Variants in ARL15 observed in about 807,000 individuals in gnomAD.
The protein encoded by ARL15 is ARF like GTPase 15.
In ARL15, 19 loss-of-function variants were observed where a neutral mutation model predicts 25.2. The ratio of observed to expected loss-of-function variants is 0.75; its 90% confidence interval spans 0.53 to 1.10. The LOEUF is 1.10. Among genes scored for constraint, ARL15 ranks in the 50% least tolerant of loss-of-function variants. The pLI is 0.00. For synonymous variants in ARL15, 94 were observed against 86.8 expected, an observed-to-expected ratio of 1.08 and a Z score of -0.46; for missense variants, 220 against 246.0, an observed-to-expected ratio of 0.89 and a Z score of 0.71.
chr5:54,248,216 G>A (rs1218727416), intron 1 of ARL15, among the ~76,000 whole-genome samples: 1 of 152,088 alleles, frequency 6.6e-6, no homozygotes, highest in African/African-American at 2.4e-5. Context: ...AAATAACTGG[G>A]TTTTGAGAGG....
At chr5:54,070,663 A>T (rs760075644) in intron 4 of ARL15, among the ~76,000 whole-genome samples, 2 of 151,810 alleles carry the variant, frequency 1.3e-5, no homozygotes, top group Non-Finnish European at 2.9e-5. Flanking sequence ...CAACATGGTG[A>T]AACCCTGTAT....
intron 1 of ARL15, among the ~76,000 whole-genome samples, chr5:54,230,615 C>T (rs1456874440): frequency 6.6e-6 from 1 of 152,126 alleles, no homozygotes; most frequent in Non-Finnish European, 1.5e-5. Context: ...TCCCAGCCAG[C>T]TGGACTTGGA....
chr5:54,088,285 G>A (rs1296008248), intron 4 of ARL15, among the ~76,000 whole-genome samples: 1 of 152,220 alleles, frequency 6.6e-6, no homozygotes, highest in African/African-American at 2.4e-5. Context: ...ATGCAGTGCT[G>A]ACTGAAGAGG....
chr5:54,269,336 A>G (rs1274739391), intron 1 of ARL15, among the ~76,000 whole-genome samples: 1 of 152,278 alleles, frequency 6.6e-6, no homozygotes, highest in Non-Finnish European at 1.5e-5. Flanking sequence ...CAGAACTTCA[A>G]TAACATATTT....
chr5:54,169,539 C>T lies in ARL15; in HGVS notation c.193+2245G>A, dbSNP rs547398793. ...ACAGAATATGGAAAAAGATTCCTAC[C>T]TGTCATATAAGGGCTGTTATAAGGC... On this transcript the variant is annotated intron_variant, in intron 2 of 4. Transcript: ENST00000504924. 7.9e-5 allele frequency among the ~76,000 whole-genome samples: 12 copies of T among 152,282 alleles called. No homozygotes were observed. The South Asian group carries it at 1.9e-3, about 24-fold the overall frequency.
intron 4 of ARL15, among the ~76,000 whole-genome samples, chr5:54,021,676 G>C (rs1320733348): frequency 6.6e-6 from 1 of 152,070 alleles, no homozygotes; most frequent in Non-Finnish European, 1.5e-5. Context: ...AAGTTTCAGA[G>C]GGAAAAAAGA....
At chr5:54,141,431 GA>G (rs1753779270) in intron 3 of ARL15, among the ~76,000 whole-genome samples, 1 of 151,930 alleles carries the variant, frequency 6.6e-6, no homozygotes, top group Admixed American at 6.6e-5. Context: ...AGCAATCCAA[GA>G]AAAGGGCCAA....
At chr5:54,293,739 A>C (rs1388351274) in intron 1 of ARL15, among the ~76,000 whole-genome samples, 1 of 152,224 alleles carries the variant, frequency 6.6e-6, no homozygotes, top group Non-Finnish European at 1.5e-5. Flanking sequence ...TACCTGAACC[A>C]ATACCTGGCC....
In ARL15 at chr5:54,258,698, C is replaced by T. The variant is rs144651545; in HGVS notation, c.48+51734G>A. Among the ~76,000 whole-genome samples, 14 of 152,222 alleles carry T rather than the reference C, an allele frequency of 9.2e-5. 1 individual carries two copies. The highest frequency in any genetic ancestry group is 3.1e-4 in the African/African-American group (13 of 41,530). Reference sequence around the variant, plus strand: ...ATCCTCTGGAGTAATGGAAAGCCACCAGATCAGAAGGGGAATGGAAGGAGA... The same window carrying T: ...ATCCTCTGGAGTAATGGAAAGCCACTAGATCAGAAGGGGAATGGAAGGAGA... On this transcript the variant is annotated intron_variant, in intron 1 of 4. Coordinates refer to ENST00000504924, the MANE Select transcript of ARL15 (RefSeq NM_019087.3).
chr5:54,302,683 ATTTTTTTTTTTT>A (rs372704359), intron 1 of ARL15, among the ~76,000 whole-genome samples: 8 of 77,860 alleles, frequency 1.0e-4, no homozygotes, highest in Admixed American at 4.2e-4. Context: ...TAAAATTAAG[ATTTTTTTTTTTT>A]TTTTTTTTTT....
At chr5:53,919,782 G>A (rs993369940) in intron 4 of ARL15, among the ~76,000 whole-genome samples, 5 of 152,132 alleles carry the variant, frequency 3.3e-5, no homozygotes, top group Non-Finnish European at 7.3e-5. Flanking sequence ...CAGCTCACTC[G>A]TTTCTCATAG....
chr5:54,245,776 C>T (rs1382877443), intron 1 of ARL15, among the ~76,000 whole-genome samples: 1 of 151,924 alleles, frequency 6.6e-6, no homozygotes, highest in African/African-American at 2.4e-5. Context: ...ATAGTAGAGC[C>T]GAGGGTTCAC....
intron 4 of ARL15, among the ~76,000 whole-genome samples, chr5:54,080,035 A>T (rs1751746880): frequency 6.6e-6 from 1 of 151,740 alleles, no homozygotes. Flanking sequence ...ATGTATATTA[A>T]TTTAATCATT....
chr5:53,974,243 A>G (rs996836976), intron 4 of ARL15, among the ~76,000 whole-genome samples: 1 of 152,212 alleles, frequency 6.6e-6, no homozygotes, highest in Non-Finnish European at 1.5e-5. Flanking sequence ...GAAAGTGAGC[A>G]CAGGCAGTGC....
chr5:54,153,401 T>C (rs1314686821), intron 3 of ARL15, among the ~76,000 whole-genome samples: 1 of 152,212 alleles, frequency 6.6e-6, no homozygotes, highest in Non-Finnish European at 1.5e-5. Context: ...TTTAAGCATA[T>C]GGCATGGTTA....
chr5:54,195,603 G>A (rs1755527327), intron 1 of ARL15, among the ~76,000 whole-genome samples: 2 of 152,000 alleles, frequency 1.3e-5, no homozygotes, highest in African/African-American at 4.8e-5. Context: ...TACCTGTAAT[G>A]AATAAGTTGA....
intron 4 of ARL15, among the ~76,000 whole-genome samples, chr5:54,112,536 T>A (rs906648832): frequency 6.6e-6 from 1 of 152,256 alleles, no homozygotes; most frequent in Admixed American, 6.5e-5. Context: ...TAATTCACTA[T>A]AATTTAAGTT....
At chr5:54,226,888 G>A (rs1249931193) in intron 1 of ARL15, among the ~76,000 whole-genome samples, 1 of 152,084 alleles carries the variant, frequency 6.6e-6, no homozygotes, top group Non-Finnish European at 1.5e-5. Flanking sequence ...TGAATCATGG[G>A]GGTGGTTCTC....
Position 54,056,737 on chromosome 5 carries a change from G to T in ARL15, c.462+56465C>A, listed in dbSNP as rs143358379. The stretch of plus-strand genomic sequence containing the variant: ...AGGCCACTAAAGGAGGGAGCATGGT[G>T]TGATGGAATAATCACATACTATGAG... On this transcript the variant is annotated intron_variant, in intron 4 of 4. Transcript: ENST00000504924. Among the ~76,000 whole-genome samples the T allele has an allele frequency of 3.2e-3, 486 of 152,160 alleles. 1 individual carries two copies. The highest frequency in any genetic ancestry group is 5.3e-3 in the Non-Finnish European group (363 of 67,998).
Sources: allele counts gnomAD v4.1 joint callset (sites outside exome capture counted in the v4.1 genomes callset), GRCh38; gene constraint gnomAD v4.1.1; transcripts MANE v1.5; gene names NCBI Gene and HGNC (gene_info 2026-07-23, HGNC 2026-07-21).